CSRNP1: variants seen among roughly 807,000 people sequenced by gnomAD.
The protein encoded by CSRNP1 is cysteine/serine-rich nuclear protein 1.
A neutral mutation model predicts 25.0 loss-of-function variants in CSRNP1; 8 were observed. The observed-to-expected ratio is 0.32, with a 90% confidence interval of 0.19 to 0.58. The LOEUF (loss-of-function observed/expected upper bound fraction) is 0.58. Ranked by LOEUF, CSRNP1 falls within the 20% of genes least tolerant of loss-of-function variation. The pLI, the probability that CSRNP1 is intolerant of heterozygous loss-of-function variation, is 0.88. For missense variants in CSRNP1, 691 were observed against 773.1 expected, an observed-to-expected ratio of 0.89 and a Z score of 1.26; for synonymous variants, 305 against 303.1, an observed-to-expected ratio of 1.01 and a Z score of -0.06.
Position 39,145,198 on chromosome 3 carries a change from C to T in CSRNP1, c.264G>A (p.Gly88=). The change falls in exon 3 of 5, where the codon GGG becomes GGA. Residue 88 remains glycine (G), a synonymous_variant. Transcript: ENST00000273153. Reference sequence around the variant, plus strand: ...AGCGGGGGAAGTAGAAGACGGTGATCCCATCAAAGGCTACACGGCCTGGGC... The same window carrying T: ...AGCGGGGGAAGTAGAAGACGGTGATTCCATCAAAGGCTACACGGCCTGGGC... ...RERPGRVAFD[G]ITVFYFPRCQ... is the part of the protein sequence containing the mutation. 6.2e-7 allele frequency: 1 copy of T among 1,614,012 alleles called. No homozygotes were observed. Among genetic ancestry groups the T allele is most frequent in the East Asian group, 2.2e-5 (1 of 44,872 alleles).
chr3:39,153,714 G>A (rs1436017954), upstream of CSRNP1: 13 of 133,926 alleles, frequency 9.7e-5, 1 homozygote, highest in South Asian at 5.5e-4. Flanking sequence ...CGGAGGCGCC[G>A]CCTCCTCCCC....
chr3:39,144,995 AC>A lies in CSRNP1; in HGVS notation c.465+1del. ...GTGCGCCACGGAGAGGACTCTCTCTACCTTCCACTGCAGCATCTCCAACTTC... is the reference window on the plus strand; with the variant it reads ...GTGCGCCACGGAGAGGACTCTCTCTACTTCCACTGCAGCATCTCCAACTTC... On this transcript the variant is annotated splice_donor_variant, in intron 3 of 4. Transcript: ENST00000273153. LOFTEE classifies it high-confidence loss of function. 1 of 1,605,772 alleles carries A rather than the reference AC, an allele frequency of 6.2e-7. No individual in the cohort carries two copies. The highest frequency in any genetic ancestry group is 8.5e-7 in the Non-Finnish European group (1 of 1,174,476).
Position 39,145,084 on chromosome 3 carries a change from A to C in CSRNP1, c.378T>G (p.Ala126=). 1 of 1,614,254 alleles carries C rather than the reference A, an allele frequency of 6.2e-7. No individual in the cohort carries two copies. ...RHSACRRFSL[A]EFAQEQARAR... ...CACGGGCTTGCTCCTGCGCAAACTCAGCCAAAGAGAAGCGACGGCAAGCAC... is the reference window on the plus strand; with the variant it reads ...CACGGGCTTGCTCCTGCGCAAACTCCGCCAAAGAGAAGCGACGGCAAGCAC... Residue 126 remains alanine, a synonymous_variant, in exon 3 of 5, where the codon GCT becomes GCG. Coordinates refer to ENST00000273153, the MANE Select transcript of CSRNP1 (RefSeq NM_033027.4).
rs375017149 is a variant in CSRNP1 at position 39,146,628 on chromosome 3, C to T, written c.55G>A (p.Val19Ile). 25 of 1,572,482 alleles carry T rather than the reference C, an allele frequency of 1.6e-5. No individual in the cohort carries two copies. Among genetic ancestry groups the T allele is most frequent in the Non-Finnish European group, 2.1e-5 (24 of 1,158,680 alleles). ...FDQLDEDNSS[V>I]SSSSSSSGCQ... ...CCAGAGGAAGAGGAGGAGGAGGAGA[C>T]CGAGGAGTTGTCCTCATCCAGCTGG... Residue 19 changes from valine (V) to isoleucine (I), a missense_variant, in exon 2 of 5, where the codon GTC becomes ATC. Val to Ile is a conservative substitution (Grantham distance 29). Coordinates refer to ENST00000273153, the MANE Select transcript of CSRNP1 (RefSeq NM_033027.4).
At chr3:39,144,811 C>T (rs2039481515) in intron 3 of CSRNP1, among the ~76,000 whole-genome samples, 186 bp downstream of exon 3, 1 of 152,150 alleles carries the variant, frequency 6.6e-6, no homozygotes, top group Admixed American at 6.5e-5. Flanking sequence ...ACGAGCCCTC[C>T]TCTGCGCCTC....
At position 39,142,734 on chromosome 3, in the gene CSRNP1, C is replaced by T. The variant is rs1311344901; in HGVS notation, c.*321G>A. 2 of 246,974 alleles carry T rather than the reference C, an allele frequency of 8.1e-6. No homozygotes were observed. Among genetic ancestry groups the T allele is most frequent in the Non-Finnish European group, 7.9e-6 (1 of 127,370 alleles). The allele number at this position is 246,974 out of a possible 1,614,324, so 15.3% of individuals were successfully genotyped here. A position where few individuals can be genotyped will look rare whatever the true frequency, so the allele number is the denominator to read the frequency against. On this transcript the variant is annotated 3_prime_UTR_variant, in exon 5 of 5. Coordinates refer to ENST00000273153, the MANE Select transcript of CSRNP1 (RefSeq NM_033027.4). ...TGGGCTAAGGAACATCACGCAAAGACCGAAAAGTGGTCTGCCAAGCTCCAG... is the reference window on the plus strand; with the variant it reads ...TGGGCTAAGGAACATCACGCAAAGATCGAAAAGTGGTCTGCCAAGCTCCAG...
rs200230516 is a variant in CSRNP1 at position 39,143,035 on chromosome 3, G to T, written c.*20C>A. On this transcript the variant is annotated 3_prime_UTR_variant, in exon 5 of 5. Coordinates refer to ENST00000273153, the MANE Select transcript of CSRNP1 (RefSeq NM_033027.4). The stretch of plus-strand genomic sequence containing the variant: ...AAGCAGCAACAGGTCTCTTGGGGCT[G>T]GGAAAAGACATCCTGGTCCTCACAC... 6.5e-7 allele frequency: 1 copy of T among 1,536,382 alleles called. No individual in the cohort carries two copies. Among genetic ancestry groups the T allele is most frequent in the East Asian group, 2.3e-5 (1 of 44,066 alleles).
At chr3:39,153,609 C>T (rs2039616254), upstream of CSRNP1, 1 of 151,952 alleles carries the variant, frequency 6.6e-6, no homozygotes, top group South Asian at 2.1e-4. Flanking sequence ...CCCAGCCCCG[C>T]CCGCCGCTCC....
At chr3:39,153,711 G>A (rs576230833), upstream of CSRNP1, 1,274 of 149,954 alleles carry the variant, frequency 8.5e-3, 8 homozygotes, top group Non-Finnish European at 0.014. Flanking sequence ...CCCCGGAGGC[G>A]CCGCCTCCTC....
intron 3 of CSRNP1, 69 bp from the exon 4 acceptor site, chr3:39,144,520 G>A (rs1233742057): frequency 6.9e-7 from 1 of 1,451,356 alleles, no homozygotes; most frequent in Non-Finnish European, 9.2e-7. Flanking sequence ...ACTGTCACTA[G>A]ACAAACCCTC....
chr3:39,144,874 A>C, intron 3 of CSRNP1, 123 bp downstream of exon 3: 7 of 1,171,832 alleles, frequency 6.0e-6, no homozygotes, highest in Non-Finnish European at 8.3e-6. Flanking sequence ...CACCAGGCCC[A>C]CAGGCCTGTT....
chr3:39,152,978 C>G (rs1322954931), intron 1 of CSRNP1: 2 of 152,086 alleles, frequency 1.3e-5, no homozygotes. Context: ...CGGGGGCGCC[C>G]GGCACACGCC....
intron 1 of CSRNP1, chr3:39,153,100 G>A (rs1231280184): frequency 4.6e-5 from 7 of 152,586 alleles, no homozygotes; most frequent in Admixed American, 1.3e-4. Context: ...TGGGTCAAAA[G>A]GAAACTCACC....
rs868388811 is a variant in CSRNP1, at chr3:39,152,203, G to T, written c.-41+1235C>A. 1.6e-4 allele frequency: 24 copies of T among 152,756 alleles called. No individual in the cohort carries two copies. In the Middle Eastern group the frequency reaches 0.01, roughly 64 times the overall value. 9.5% of individuals were successfully genotyped at this position (152,756 alleles called of 1,614,324 possible). A position where few individuals can be genotyped will look rare whatever the true frequency, so the allele number is the denominator to read the frequency against. ...AATGTAGGCAGAGTTCCAGATAGGG[G>T]CTCCGCATGGGTAAGGAACAGGAGG... On this transcript the variant is annotated intron_variant, in intron 1 of 4. Transcript: ENST00000273153.
chr3:39,150,690 G>A (rs1027746583), intron 1 of CSRNP1: 1 of 151,828 alleles, frequency 6.6e-6, no homozygotes, highest in South Asian at 2.1e-4. Context: ...CAGATGGAGA[G>A]AGATGTCAGG....
At chr3:39,145,531 C>T (rs975039961) in intron 2 of CSRNP1, among the ~76,000 whole-genome samples, 1 of 152,200 alleles carries the variant, frequency 6.6e-6, no homozygotes, top group African/African-American at 2.4e-5. Flanking sequence ...TGTTTATTAG[C>T]CATGTACAGG....
intron 2 of CSRNP1, among the ~76,000 whole-genome samples, chr3:39,145,798 A>G (rs2039500688): frequency 6.6e-6 from 1 of 152,226 alleles, no homozygotes; most frequent in Non-Finnish European, 1.5e-5. Flanking sequence ...TTCTGTTTAT[A>G]CTGTTAGATT....
intron 3 of CSRNP1, 84 bp downstream of exon 3, chr3:39,144,913 A>T: frequency 7.7e-6 from 11 of 1,433,992 alleles, no homozygotes; most frequent in Non-Finnish European, 9.4e-6. Context: ...GCAAGTCAGC[A>T]CCCACCCCTG....
intron 1 of CSRNP1, chr3:39,151,805 C>T (rs1413650202): frequency 1.3e-5 from 2 of 152,230 alleles, no homozygotes; most frequent in Non-Finnish European, 2.9e-5. Flanking sequence ...TGAAGGAGAG[C>T]TGGGGGAGGG....
Sources: gnomAD v4.1 joint callset for allele counts (sites outside exome capture counted in the v4.1 genomes callset) on GRCh38, gnomAD v4.1.1 for gene constraint, MANE v1.5 for transcripts, NCBI Gene and HGNC (gene_info 2026-07-23, HGNC 2026-07-21) for gene names.